SLIT3: variants seen among roughly 807,000 people sequenced by gnomAD.
The protein encoded by SLIT3 is slit guidance ligand 3, also known as slit homolog 3 protein.
Under a neutral mutation model 184.0 loss-of-function variants are expected in SLIT3, and 68 were observed. The observed-to-expected ratio is 0.37, with a 90% confidence interval of 0.30 to 0.45. The LOEUF is 0.45. SLIT3 is among the 20% of genes least tolerant of loss of function. The pLI, the probability that SLIT3 is intolerant of heterozygous loss-of-function variation, is 1.00. For synonymous variants in SLIT3, 831 were observed against 828.6 expected (o/e 1.00, Z -0.05); for missense variants, 1,707 against 2,026.0 (o/e 0.84, Z 3.02).
intron 1 of SLIT3, among the ~76,000 whole-genome samples, chr5:169,293,313 C>G (rs916688325): frequency 1.3e-5 from 2 of 152,022 alleles, no homozygotes; most frequent in African/African-American, 4.8e-5. Context: ...TTAGGAAGAA[C>G]TGAGCTCCTC....
intron 5 of SLIT3, among the ~76,000 whole-genome samples, chr5:168,862,106 G>T (rs1045410070): frequency 6.6e-6 from 1 of 152,000 alleles, no homozygotes; most frequent in Non-Finnish European, 1.5e-5. Context: ...TCATGTAGCT[G>T]GAAACCATGT....
At chr5:169,071,764 C>T (rs891749195) in intron 4 of SLIT3, among the ~76,000 whole-genome samples, 1 of 152,196 alleles carries the variant, frequency 6.6e-6, no homozygotes, top group Non-Finnish European at 1.5e-5. Context: ...TGAGTTACCA[C>T]AATGACTGCT....
At chr5:169,173,871 C>G (rs982857496) in intron 4 of SLIT3, among the ~76,000 whole-genome samples, 2 of 152,154 alleles carry the variant, frequency 1.3e-5, no homozygotes, top group African/African-American at 4.8e-5. Context: ...AATCCATCTC[C>G]CTTTCTTTAG....
chr5:168,927,076 A>G (rs1761851503), intron 4 of SLIT3, among the ~76,000 whole-genome samples: 1 of 152,234 alleles, frequency 6.6e-6, no homozygotes, highest in Admixed American at 6.5e-5. Context: ...TTGCATACCA[A>G]AAACAGCATT....
rs564297170 is a variant in SLIT3, at chr5:168,665,388, C to T, written c.*1066G>A. ...ACCTTCCAGAGTTGGACATCTAGCG[C>T]TGTGGGCAGACTTGACTTGGCTCCC... On this transcript the variant is annotated 3_prime_UTR_variant, in exon 36 of 36. Coordinates refer to ENST00000519560, the MANE Select transcript of SLIT3 (RefSeq NM_003062.4). 1 of 152,336 alleles carries T rather than the reference C, an allele frequency of 6.6e-6. No homozygotes were observed. Among genetic ancestry groups the T allele is most frequent in the East Asian group, 1.9e-4 (1 of 5,188 alleles). 9.4% of individuals were successfully genotyped at this position (152,336 alleles called of 1,614,324 possible).
chr5:168,788,686 G>A (rs571056105), intron 11 of SLIT3, among the ~76,000 whole-genome samples: 11 of 151,938 alleles, frequency 7.2e-5, no homozygotes, highest in African/African-American at 2.4e-4. Context: ...TCCCTGTCTC[G>A]GTGGAGCTTA....
chr5:168,909,714 C>T (rs189559039), intron 4 of SLIT3, among the ~76,000 whole-genome samples: 5 of 152,278 alleles, frequency 3.3e-5, no homozygotes, highest in East Asian at 1.9e-4. Context: ...AAGAACAAAA[C>T]GATGCCTCCT....
intron 4 of SLIT3, among the ~76,000 whole-genome samples, chr5:168,981,503 C>T (rs999675161): frequency 9.2e-5 from 14 of 152,088 alleles, no homozygotes; most frequent in African/African-American, 3.1e-4. Flanking sequence ...TTATGCCCAT[C>T]AAAATAAAAC....
chr5:169,266,951 C>T (rs1257445430), intron 1 of SLIT3, among the ~76,000 whole-genome samples: 3 of 152,162 alleles, frequency 2.0e-5, no homozygotes, highest in South Asian at 2.1e-4. Context: ...CACTTAACTC[C>T]GGTCAATAGA....
At chr5:168,755,389 A>ATTTCTTTCTGTC (rs1754859800) in intron 16 of SLIT3, among the ~76,000 whole-genome samples, 1 of 133,640 alleles carries the variant, frequency 7.5e-6, no homozygotes, top group Admixed American at 7.9e-5. Context: ...CAGTGCCGCC[A>ATTTCTTTCTGTC]TTTCTTTCTT....
intron 4 of SLIT3, among the ~76,000 whole-genome samples, chr5:169,085,579 A>C (rs1759259943): frequency 6.6e-6 from 1 of 152,188 alleles, no homozygotes; most frequent in African/African-American, 2.4e-5. Context: ...ATGGCTGTTT[A>C]AGCCTTGATG....
chr5:168,710,836 C>T, intron 25 of SLIT3, 59 bp downstream of exon 25: 1 of 1,360,558 alleles, frequency 7.3e-7, no homozygotes, highest in Non-Finnish European at 9.6e-7. Context: ...TGACAGGTTG[C>T]TGGGAACACA....
In SLIT3 at chr5:168,966,381, G is replaced by C. The variant is rs373683304; in HGVS notation, c.414-83045C>G. 1.3e-4 allele frequency among the ~76,000 whole-genome samples: 19 copies of C among 151,490 alleles called. No individual in the cohort carries two copies. The East Asian group carries it at 2.7e-3, about 22-fold the overall frequency. On this transcript the variant is annotated intron_variant, in intron 4 of 35. Coordinates refer to ENST00000519560, the MANE Select transcript of SLIT3 (RefSeq NM_003062.4). ...GAAGCCAGCATGATTTTTTATAAGA[G>C]AAAGGCAAAGCTTTGGGACTTTGCT... is the stretch of plus-strand genomic sequence containing the variant.
At chr5:168,687,810 A>G (rs931947095) in intron 29 of SLIT3, among the ~76,000 whole-genome samples, 2 of 152,236 alleles carry the variant, frequency 1.3e-5, no homozygotes, top group Non-Finnish European at 2.9e-5. Flanking sequence ...TTGCACTCTG[A>G]GATTCAGACC....
chr5:169,169,083 C>A (rs1316632522), intron 4 of SLIT3, among the ~76,000 whole-genome samples: 1 of 152,154 alleles, frequency 6.6e-6, no homozygotes, highest in African/African-American at 2.4e-5. Context: ...GTGTTGTAAG[C>A]AACAGCAGCA....
At chr5:168,855,988 A>G (rs960670948) in intron 5 of SLIT3, among the ~76,000 whole-genome samples, 2 of 152,192 alleles carry the variant, frequency 1.3e-5, no homozygotes, top group African/African-American at 4.8e-5. Flanking sequence ...GGGCACCTGT[A>G]GTCCTAGCTA....
At chr5:169,111,968 A>C (rs1760426140) in intron 4 of SLIT3, among the ~76,000 whole-genome samples, 1 of 152,208 alleles carries the variant, frequency 6.6e-6, no homozygotes, top group Non-Finnish European at 1.5e-5. Context: ...GGCTCAGTCC[A>C]TGTGGAACTC....
chr5:168,975,640 T>C (rs1754728485), intron 4 of SLIT3, among the ~76,000 whole-genome samples: 1 of 152,174 alleles, frequency 6.6e-6, no homozygotes, highest in Non-Finnish European at 1.5e-5. Context: ...AAAATAAATT[T>C]TAAGCATCTT....
intron 12 of SLIT3, among the ~76,000 whole-genome samples, chr5:168,779,532 GC>G (rs1178628167): frequency 6.6e-6 from 1 of 152,202 alleles, no homozygotes; most frequent in Admixed American, 6.5e-5. Context: ...ACTTTTGGCT[GC>G]CACATATGTT....
Sources: gnomAD v4.1 joint callset for allele counts (sites outside exome capture counted in the v4.1 genomes callset) on GRCh38, gnomAD v4.1.1 for gene constraint, MANE v1.5 for transcripts, NCBI Gene and HGNC (gene_info 2026-07-23, HGNC 2026-07-21) for gene names.